The following COA1 variants were observed in gnomAD, a reference collection of about 807,000 sequenced individuals.
COA1 encodes cytochrome c oxidase assembly factor 1 homolog.
COA1 carries 13 observed loss-of-function variants against 16.0 expected under a neutral mutation model. The ratio of observed to expected loss-of-function variants is 0.81; its 90% CI spans 0.53 to 1.29. COA1 has a LOEUF of 1.29. Among genes scored for constraint, COA1 ranks in the 50% most tolerant of loss-of-function variants. The probability of loss-of-function intolerance (pLI) is 0.00; values close to 1 mark genes in which losing one functional copy is unlikely to be tolerated. For missense variants in COA1, 179 were observed against 177.0 expected (o/e 1.01, Z -0.06); for synonymous variants, 65 against 65.7 (o/e 0.99, Z 0.05).
intron 1 of COA1, among the ~76,000 whole-genome samples, chr7:43,695,037 T>C (rs1187266528): frequency 2.0e-5 from 3 of 152,224 alleles, no homozygotes; most frequent in African/African-American, 4.8e-5. Flanking sequence ...TCAAAATATA[T>C]CTAGATCTAG....
chr7:43,692,396 T>C (rs1318386597), intron 1 of COA1, among the ~76,000 whole-genome samples: 4 of 152,046 alleles, frequency 2.6e-5, no homozygotes, highest in Non-Finnish European at 5.9e-5. Flanking sequence ...GCAGCGCCTG[T>C]GGTCTCAGCT....
chr7:43,702,441 T>A (rs956982537), intron 1 of COA1, among the ~76,000 whole-genome samples: 3 of 152,174 alleles, frequency 2.0e-5, no homozygotes, highest in African/African-American at 7.2e-5. Flanking sequence ...TCTATTCTGT[T>A]CCATTGGTCT....
rs767557100 is a variant in COA1, at chr7:43,624,890, A to G, written c.*133+14559T>C. The stretch of plus-strand genomic sequence containing the variant: ...CAAGATTTCTACATTGAAAATGTTA[A>G]TATTATTTATGGACCTCTGGCCAAA... On this transcript the variant is annotated intron_variant and NMD_transcript_variant, in intron 6 of 6. Coordinates refer to the COA1 transcript ENST00000415076. The G allele has an allele frequency of 2.0e-6, 3 of 1,487,024 alleles. No homozygotes were observed. The Admixed American group carries it at 6.3e-5, about 31-fold the overall frequency. 92.1% of individuals were successfully genotyped at this position (1,487,024 alleles called of 1,614,324 possible). A position where few individuals can be genotyped will look rare whatever the true frequency, so the allele number is the denominator to read the frequency against.
At chr7:43,709,199 A>AT (rs944867204) in intron 1 of COA1, among the ~76,000 whole-genome samples, 28 of 151,170 alleles carry the variant, frequency 1.9e-4, no homozygotes, top group East Asian at 1.4e-3. Flanking sequence ...AATTTTTTGT[A>AT]TTTTTTTTAA....
intron 1 of COA1, among the ~76,000 whole-genome samples, chr7:43,705,219 G>A (rs897466447): frequency 3.9e-5 from 6 of 152,326 alleles, no homozygotes; most frequent in South Asian, 2.1e-4. Context: ...ACAACACTCC[G>A]ATGGCAGCTG....
At chr7:43,621,645 G>GT (rs1386939819) in intron 6 of COA1, among the ~76,000 whole-genome samples, 2 of 151,940 alleles carry the variant, frequency 1.3e-5, no homozygotes, top group South Asian at 2.1e-4. Flanking sequence ...TTTTTTGTTT[G>GT]TTTTTTTGGT....
At chr7:43,610,346 CAAAAAAA>C (rs138859141) in intron 6 of COA1, among the ~76,000 whole-genome samples, 2 of 41,314 alleles carry the variant, frequency 4.8e-5, no homozygotes, top group African/African-American at 1.1e-4. Flanking sequence ...GACTCCGTCT[CAAAAAAA>C]AAAAAAAAAA....
chr7:43,691,054 CAAAAAAA>C (rs1173049196), intron 1 of COA1, among the ~76,000 whole-genome samples: 210 of 40,028 alleles, frequency 5.2e-3, no homozygotes, highest in Non-Finnish European at 7.6e-3. Context: ...CTCATCACTA[CAAAAAAA>C]AAAAAAAAAA....
At chr7:43,623,605 T>A in intron 6 of COA1, 1 of 1,611,580 alleles carries the variant, frequency 6.2e-7, no homozygotes, top group East Asian at 2.2e-5. Context: ...CCTATAAGCA[T>A]GGCAACAGAT....
chr7:43,698,575 T>C (rs2094600393), intron 1 of COA1, among the ~76,000 whole-genome samples: 1 of 152,222 alleles, frequency 6.6e-6, no homozygotes, highest in East Asian at 1.9e-4. Flanking sequence ...CTCCTATACA[T>C]AACCATAGTA....
At chr7:43,639,062 GAT>G (rs2086435281), downstream of COA1, 2 of 152,280 alleles carry the variant, frequency 1.3e-5, no homozygotes, top group Non-Finnish European at 2.9e-5. Context: ...ATTCCAAAGT[GAT>G]AGAGAATGTC....
intron 1 of COA1, among the ~76,000 whole-genome samples, chr7:43,709,182 C>A (rs1434258300): frequency 6.6e-6 from 1 of 152,020 alleles, no homozygotes; most frequent in Non-Finnish European, 1.5e-5. Flanking sequence ...TGCCACCACA[C>A]CTGGCTAATT....
chr7:43,630,120 G>A (rs578056460), intron 6 of COA1, among the ~76,000 whole-genome samples: 41 of 152,222 alleles, frequency 2.7e-4, no homozygotes, highest in African/African-American at 9.4e-4. Context: ...ACAGAGATCT[G>A]AAGGCCCGTA....
intron 1 of COA1, among the ~76,000 whole-genome samples, chr7:43,684,077 A>T (rs1222839607): frequency 2.6e-5 from 4 of 152,198 alleles, no homozygotes; most frequent in Non-Finnish European, 5.9e-5. Flanking sequence ...CAACTAGGGC[A>T]GCAGTCTCCA....
chr7:43,693,289 G>A (rs562233090), intron 1 of COA1, among the ~76,000 whole-genome samples: 1 of 152,232 alleles, frequency 6.6e-6, no homozygotes, highest in African/African-American at 2.4e-5. Context: ...CCACCTTGTG[G>A]CAGGATTAGG....
intron 1 of COA1, among the ~76,000 whole-genome samples, chr7:43,686,024 T>C (rs1047961929): frequency 3.3e-5 from 5 of 152,238 alleles, no homozygotes; most frequent in African/African-American, 9.6e-5. Context: ...CTGTAGTTTA[T>C]TTACAGAGAA....
intron 1 of COA1, among the ~76,000 whole-genome samples, chr7:43,700,580 G>A (rs931648025): frequency 1.8e-5 from 2 of 108,634 alleles, no homozygotes; most frequent in Non-Finnish European, 3.7e-5. Flanking sequence ...ACATATATAC[G>A]TGTATATATA....
intron 1 of COA1, among the ~76,000 whole-genome samples, chr7:43,696,923 G>T (rs1478268910): frequency 6.6e-6 from 1 of 151,966 alleles, no homozygotes; most frequent in Non-Finnish European, 1.5e-5. Flanking sequence ...AAGAGATCAA[G>T]ACCATCCTGG....
intron 6 of COA1, among the ~76,000 whole-genome samples, chr7:43,616,760 G>A (rs1009439894): frequency 6.6e-5 from 10 of 151,894 alleles, no homozygotes; most frequent in African/African-American, 9.7e-5. Context: ...AGCCGGGCGT[G>A]GTGGCGGGCT....
Sources: allele counts gnomAD v4.1 joint callset (sites outside exome capture counted in the v4.1 genomes callset), GRCh38; gene constraint gnomAD v4.1.1; transcripts MANE v1.5; gene names NCBI Gene and HGNC (gene_info 2026-07-23, HGNC 2026-07-21).